The following GNS variants were observed in gnomAD, a reference collection of about 807,000 sequenced individuals.
The protein encoded by GNS is N-acetylglucosamine-6-sulfatase.
In GNS, 40 loss-of-function variants were observed where a neutral mutation model predicts 69.7. The ratio of observed to expected loss-of-function variants is 0.57; its 90% CI spans 0.45 to 0.75. GNS has a LOEUF of 0.75. Among genes scored for constraint, GNS ranks in the 30% least tolerant of loss-of-function variants. The pLI, the probability that GNS is intolerant of heterozygous loss-of-function variation, is 0.00. For synonymous variants in GNS, 243 were observed against 251.6 expected (o/e 0.97, Z 0.32); for missense variants, 565 against 685.5 (o/e 0.82, Z 1.96).
intron 9 of GNS, 183 bp from the exon 10 acceptor site, chr12:64,729,240 T>C: frequency 1.6e-6 from 1 of 613,932 alleles, no homozygotes; most frequent in Non-Finnish European, 2.9e-6. Context: ...AAACAAAATA[T>C]AAAGGCTTAT....
chr12:64,733,954 CCACCAGT>C (rs1869483477), intron 9 of GNS, among the ~76,000 whole-genome samples: 1 of 152,204 alleles, frequency 6.6e-6, no homozygotes, highest in Non-Finnish European at 1.5e-5. Context: ...CAGCTTAAGT[CCACCAGT>C]CAGTTAAATG....
chr12:64,725,194 G>A (rs1869156695), intron 10 of GNS, among the ~76,000 whole-genome samples: 1 of 152,186 alleles, frequency 6.6e-6, no homozygotes, highest in Admixed American at 6.5e-5. Context: ...ATGGTCTGTA[G>A]GAGTTGTTAA....
At position 64,751,047 on chromosome 12, in the gene GNS, G is replaced by A. The variant is rs367779187; in HGVS notation, c.252+1651C>T. Among the ~76,000 whole-genome samples the A allele has an allele frequency of 5.3e-5, 8 of 152,118 alleles. 1 individual carries two copies. The East Asian group carries it at 7.7e-4, about 15-fold the overall frequency. ...GGCCCCAACCAGTTACTCTTAGAGA[G>A]TTTATAAATTATGAATGAGGCTGGG... On this transcript the variant is annotated intron_variant, in intron 2 of 13. Coordinates refer to ENST00000258145, the MANE Select transcript of GNS (RefSeq NM_002076.4).
intron 10 of GNS, among the ~76,000 whole-genome samples, chr12:64,726,340 A>G (rs939946211): frequency 9.9e-5 from 15 of 152,156 alleles, no homozygotes; most frequent in Non-Finnish European, 1.2e-4. Context: ...GAGAAAAAAA[A>G]AAAGAAACTG....
At chr12:64,727,599 T>A (rs1219262937) in intron 10 of GNS, among the ~76,000 whole-genome samples, 1 of 152,180 alleles carries the variant, frequency 6.6e-6, no homozygotes, top group East Asian at 1.9e-4. Context: ...AATGATATGA[T>A]CCTTGAAAAC....
At position 64,721,614 on chromosome 12, in the gene GNS, C is replaced by A; in HGVS notation, c.1400G>T (p.Cys467Phe). The change falls in exon 12 of 14, where the codon TGC becomes TTC. Residue 467 changes from cysteine to phenylalanine, a missense_variant. Physicochemically the swap from Cys to Phe is radical, Grantham distance 205 (BLOSUM62 -2). This residue lies in a region of GNS where 384 missense variants were observed against 511.0 expected (regional missense o/e 0.75). Transcript: ENST00000258145. Reference protein sequence around the residue: ...TMSALWNLQYCEFDDQEVFVE... With the variant: ...TMSALWNLQYFEFDDQEVFVE... ...TCTTACCTCCTGGTCATCAAACTCG[C>A]AATACTGCAAATTCCACAATGCTGA... The A allele has an allele frequency of 6.4e-7, 1 of 1,562,406 alleles. No homozygotes were observed. The highest frequency in any genetic ancestry group is 8.8e-7 in the Non-Finnish European group (1 of 1,132,820).
intron 3 of GNS, chr12:64,746,149 G>T (rs2136249117): frequency 4.1e-6 from 1 of 243,868 alleles, no homozygotes; most frequent in South Asian, 4.9e-5. Flanking sequence ...CTGAATAGTA[G>T]CAACAGAGAC....
chr12:64,757,493 T>C (rs539827899), intron 1 of GNS, among the ~76,000 whole-genome samples: 110 of 152,142 alleles, frequency 7.2e-4, no homozygotes, highest in Middle Eastern at 3.4e-3. Flanking sequence ...GAACCTAAAG[T>C]GTAGGAGGAA....
At chr12:64,739,630 C>T (rs1228749260) in intron 7 of GNS, 131 bp from the exon 8 acceptor site, 4 of 641,444 alleles carry the variant, frequency 6.2e-6, no homozygotes, top group Middle Eastern at 4.2e-4. Flanking sequence ...TCCAAAACAA[C>T]CCCCGTTTAA....
chr12:64,746,947 G>A (rs1236123200), intron 3 of GNS, among the ~76,000 whole-genome samples: 1 of 152,230 alleles, frequency 6.6e-6, no homozygotes, highest in Admixed American at 6.5e-5. Flanking sequence ...AGCAACTACA[G>A]ATAAAGAGCA....
At chr12:64,742,166 G>A (rs1249214831) in intron 6 of GNS, among the ~76,000 whole-genome samples, 7 of 152,038 alleles carry the variant, frequency 4.6e-5, no homozygotes, top group Admixed American at 3.3e-4. Context: ...GAGTACAGGT[G>A]TCCACCACCA....
At chr12:64,720,922 C>T (rs1196560513) in intron 12 of GNS, among the ~76,000 whole-genome samples, 2 of 152,182 alleles carry the variant, frequency 1.3e-5, no homozygotes, top group African/African-American at 2.4e-5. Context: ...GAGCAGGGAA[C>T]AGGAACTGAG....
chr12:64,759,340 G>A lies in GNS; in HGVS notation c.-64C>T, dbSNP rs1870398885. 4 of 1,152,348 alleles carry A rather than the reference G, an allele frequency of 3.5e-6. No individual in the cohort carries two copies. Among genetic ancestry groups the A allele is most frequent in the Admixed American group, 2.9e-5 (1 of 34,696 alleles). The allele number at this position is 1,152,348 out of a possible 1,614,324, so 71.4% of individuals were successfully genotyped here. ...ACGGAGGGACGCACAGGTAGCTGAA[G>A]GGCGAGAGGCCGACCAGCCGAAGGA... On this transcript the variant is annotated 5_prime_UTR_variant, in exon 1 of 14. Transcript: ENST00000258145.
In GNS at chr12:64,714,444, A is replaced by G. The variant is rs1238507876; in HGVS notation, c.*2297T>C. The G allele has an allele frequency of 6.6e-6, 1 of 152,242 alleles. No individual in the cohort carries two copies. Among genetic ancestry groups the G allele is most frequent in the Non-Finnish European group, 1.5e-5 (1 of 68,042 alleles). The allele number at this position is 152,242 out of a possible 1,614,324, so 9.4% of individuals were successfully genotyped here. On this transcript the variant is annotated 3_prime_UTR_variant, in exon 14 of 14. Coordinates refer to ENST00000258145, the MANE Select transcript of GNS (RefSeq NM_002076.4). ...AGTGCATTGTGTAGTCTGTTACGCT[A>G]TAAACTGAGGTCTCTTTATGAAAGA... is the stretch of plus-strand genomic sequence containing the variant.
chr12:64,726,868 C>T (rs1869217868), intron 10 of GNS, among the ~76,000 whole-genome samples: 1 of 151,740 alleles, frequency 6.6e-6, no homozygotes, highest in South Asian at 2.1e-4. Context: ...AGAGGCATTT[C>T]TCAAGGGAAG....
rs1476981504 is a variant in GNS, at chr12:64,715,286, AGGTG to A, written c.*1451_*1454del. 1.3e-5 allele frequency: 2 copies of A among 152,172 alleles called. No individual in the cohort carries two copies. Among genetic ancestry groups the A allele is most frequent in the African/African-American group, 2.4e-5 (1 of 41,432 alleles). The allele number at this position is 152,172 out of a possible 1,614,324, so 9.4% of individuals were successfully genotyped here. On this transcript the variant is annotated 3_prime_UTR_variant, in exon 14 of 14. Coordinates refer to ENST00000258145, the MANE Select transcript of GNS (RefSeq NM_002076.4). The stretch of plus-strand genomic sequence containing the variant: ...GTAATCCCAGCACTCTGGGAGGCCG[AGGTG>A]GGTGGATCACAAGGTCAGGAGTTCA...
intron 10 of GNS, among the ~76,000 whole-genome samples, chr12:64,726,993 CTGACAAACACA>C (rs1275500640): frequency 2.0e-5 from 3 of 151,552 alleles, no homozygotes; most frequent in Non-Finnish European, 4.4e-5. Context: ...ATACAAATGG[CTGACAAACACA>C]TGATGAAATG....
intron 2 of GNS, among the ~76,000 whole-genome samples, chr12:64,752,129 C>T (rs1377383316): frequency 2.6e-5 from 4 of 151,906 alleles, no homozygotes; most frequent in Non-Finnish European, 4.4e-5. Context: ...GGTCACACTG[C>T]TAGAAAAGAG....
At chr12:64,721,543 A>G in intron 12 of GNS, 52 bp downstream of exon 12, 1 of 880,568 alleles carries the variant, frequency 1.1e-6, no homozygotes. Context: ...TCCAGCCAAC[A>G]AAGCACCAGC....
Sources: allele counts gnomAD v4.1 joint callset (sites outside exome capture counted in the v4.1 genomes callset), GRCh38; gene constraint gnomAD v4.1.1; regional missense constraint gnomAD v4.1.1; transcripts MANE v1.5; gene names NCBI Gene and HGNC (gene_info 2026-07-23, HGNC 2026-07-21).